The following LY96 variants were observed in gnomAD, a reference collection of about 807,000 sequenced individuals.
LY96 encodes myeloid differentiation protein-2.
A neutral mutation model predicts 18.9 loss-of-function variants in LY96; 18 were observed. The ratio of observed to expected loss-of-function variants is 0.95; its 90% CI spans 0.66 to 1.41. The LOEUF is 1.41. Ranked by LOEUF, LY96 falls within the 40% of genes most tolerant of loss-of-function variation. The pLI is 0.00. For synonymous variants in LY96, 66 were observed against 62.6 expected (o/e 1.06, Z -0.26); for missense variants, 175 against 182.4 (o/e 0.96, Z 0.23).
At chr8:74,066,461 CT>C in the LY96 span, among the ~76,000 whole-genome samples, 1 of 151,938 alleles carries the variant, frequency 6.6e-6, no homozygotes, top group East Asian at 1.9e-4. Flanking sequence ...ATAAAGGTGT[CT>C]TTGGGGATTA....
chr8:74,093,020 G>A, the LY96 span, among the ~76,000 whole-genome samples: 1 of 152,048 alleles, frequency 6.6e-6, no homozygotes, highest in Non-Finnish European at 1.5e-5. Context: ...TAAAAGCATG[G>A]CATTCAAAAG....
At chr8:74,011,515 A>G (rs1350559248) in intron 3 of LY96, among the ~76,000 whole-genome samples, 4 of 152,200 alleles carry the variant, frequency 2.6e-5, no homozygotes, top group African/African-American at 9.6e-5. Context: ...AGAATGTACA[A>G]AGAACTCAAG....
chr8:74,058,240 A>C, the LY96 span, among the ~76,000 whole-genome samples: 1 of 151,946 alleles, frequency 6.6e-6, no homozygotes, highest in Non-Finnish European at 1.5e-5. Context: ...TATCTTCCAG[A>C]GTGGTCTATT....
chr8:74,087,482 C>G, the LY96 span, among the ~76,000 whole-genome samples: 2 of 152,214 alleles, frequency 1.3e-5, no homozygotes, highest in Admixed American at 1.3e-4. Flanking sequence ...CGTCAGCACT[C>G]AGGCTCCAAT....
chr8:74,075,714 T>C, the LY96 span, among the ~76,000 whole-genome samples: 23 of 152,232 alleles, frequency 1.5e-4, no homozygotes, highest in Admixed American at 1.3e-3. Context: ...TAATTCCTAT[T>C]AGTGAAAATG....
At chr8:74,097,636 C>T in the LY96 span, among the ~76,000 whole-genome samples, 2 of 152,098 alleles carry the variant, frequency 1.3e-5, no homozygotes, top group African/African-American at 4.8e-5. Flanking sequence ...TTGAACCCGG[C>T]AGGCGGAGGT....
the LY96 span, among the ~76,000 whole-genome samples, chr8:74,049,288 C>T: frequency 2.0e-5 from 3 of 152,182 alleles, no homozygotes; most frequent in Admixed American, 1.3e-4. Context: ...ATGCTTGACA[C>T]TCCAGCCAGA....
At chr8:74,035,018 G>A in the LY96 span, among the ~76,000 whole-genome samples, 2 of 152,084 alleles carry the variant, frequency 1.3e-5, no homozygotes, top group Admixed American at 6.6e-5. Context: ...AAAGCCTCCT[G>A]GGTACAAAAC....
chr8:74,085,897 A>C, the LY96 span, among the ~76,000 whole-genome samples: 1 of 152,124 alleles, frequency 6.6e-6, no homozygotes, highest in Non-Finnish European at 1.5e-5. Context: ...TGTGTGTAGC[A>C]AGAACATTTA....
chr8:74,098,398 CAG>C, the LY96 span, among the ~76,000 whole-genome samples: 3 of 152,094 alleles, frequency 2.0e-5, no homozygotes, highest in African/African-American at 7.2e-5. Context: ...TTTTTGGAGA[CAG>C]AGTCTTACTC....
At chr8:74,087,241 C>G in the LY96 span, among the ~76,000 whole-genome samples, 1 of 152,124 alleles carries the variant, frequency 6.6e-6, no homozygotes, top group African/African-American at 2.4e-5. Context: ...TCGGAATCAT[C>G]TGGGGAGTGC....
chr8:73,996,497 C>T (rs920205309), intron 1 of LY96, among the ~76,000 whole-genome samples: 5 of 150,736 alleles, frequency 3.3e-5, no homozygotes, highest in Non-Finnish European at 7.4e-5. Flanking sequence ...GATCTCAGCT[C>T]ATTGCAACCT....
At chr8:74,006,477 C>T (rs377418320) in intron 2 of LY96, among the ~76,000 whole-genome samples, 4 of 152,130 alleles carry the variant, frequency 2.6e-5, no homozygotes, top group Admixed American at 6.5e-5. Context: ...GGATTACAGG[C>T]GCGAGCCACC....
chr8:74,084,276 A>G, the LY96 span, among the ~76,000 whole-genome samples: 1 of 152,156 alleles, frequency 6.6e-6, no homozygotes, highest in Admixed American at 6.5e-5. Flanking sequence ...CTCTCCTTCT[A>G]TGATGTGAGC....
At chr8:74,030,724 T>C (rs1474909256), downstream of LY96, among the ~76,000 whole-genome samples, 2 of 152,200 alleles carry the variant, frequency 1.3e-5, no homozygotes, top group African/African-American at 4.8e-5. Flanking sequence ...GAGGTTCATC[T>C]GGGATACCAA....
chr8:74,030,783 G>C (rs1248228800), downstream of LY96, among the ~76,000 whole-genome samples: 1 of 152,166 alleles, frequency 6.6e-6, no homozygotes, highest in Admixed American at 6.5e-5. Flanking sequence ...CTCCAACTCT[G>C]TCCTTACATT....
the LY96 span, among the ~76,000 whole-genome samples, chr8:74,055,529 A>T: frequency 2.0e-4 from 30 of 152,324 alleles, no homozygotes; most frequent in African/African-American, 5.3e-4. Flanking sequence ...TGACACAAAC[A>T]CGAGACACAC....
In LY96 at chr8:74,023,917, A is replaced by G. The variant is rs1816818627; in HGVS notation, c.332-2872A>G. ...AAATTGCAATAAAAACATTATGGCA[A>G]GTCTAGAGAGAGAAACACACAGAAG... On this transcript the variant is annotated intron_variant, in intron 3 of 4. Coordinates refer to ENST00000284818, the MANE Select transcript of LY96 (RefSeq NM_015364.5). Among the ~76,000 whole-genome samples the G allele has an allele frequency of 2.6e-5, 4 of 152,242 alleles. No individual in the cohort carries two copies. In the South Asian group the frequency reaches 8.3e-4, roughly 31 times the overall value.
intron 1 of LY96, among the ~76,000 whole-genome samples, chr8:73,996,373 CTTTCTT>C (rs1393088025): frequency 2.2e-4 from 4 of 18,024 alleles, no homozygotes. Flanking sequence ...TCCTTCATTC[CTTTCTT>C]TCTTTCTTTC....
Sources: allele counts gnomAD v4.1 joint callset (sites outside exome capture counted in the v4.1 genomes callset), GRCh38; gene constraint gnomAD v4.1.1; transcripts MANE v1.5; gene names NCBI Gene and HGNC (gene_info 2026-07-23, HGNC 2026-07-21).